The following SLC6A11 variants were observed in gnomAD, a reference collection of about 807,000 sequenced individuals.
The protein encoded by SLC6A11 is solute carrier family 6 member 11.
Under a neutral mutation model 74.8 loss-of-function variants are expected in SLC6A11, and 25 were observed. The observed-to-expected ratio is 0.33, with a 90% CI of 0.24 to 0.47. The LOEUF (loss-of-function observed/expected upper bound fraction) is 0.47. SLC6A11 is among the 20% of genes least tolerant of loss of function. The pLI is 1.00. For missense variants in SLC6A11, 574 were observed against 837.0 expected (o/e 0.69, Z 3.88); for synonymous variants, 330 against 330.2 (o/e 1.00, Z 0.01).
intron 6 of SLC6A11, among the ~76,000 whole-genome samples, chr3:10,888,427 T>C (rs1215539608): frequency 1.3e-5 from 2 of 152,114 alleles, no homozygotes; most frequent in African/African-American, 4.8e-5. Context: ...GGCTTTGCAA[T>C]GTCATGGGGG....
intron 5 of SLC6A11, among the ~76,000 whole-genome samples, chr3:10,845,499 G>A (rs1361524992): frequency 6.6e-6 from 1 of 152,148 alleles, no homozygotes; most frequent in Non-Finnish European, 1.5e-5. Context: ...GTTCTTGGCT[G>A]GGGCAGCTGC....
chr3:10,865,171 C>T (rs375291354), intron 5 of SLC6A11, among the ~76,000 whole-genome samples: 14 of 152,250 alleles, frequency 9.2e-5, no homozygotes, highest in Non-Finnish European at 1.9e-4. Context: ...GTCTTCATGT[C>T]AGATGCTTTG....
chr3:10,909,435 C>T (rs943190980), intron 6 of SLC6A11, among the ~76,000 whole-genome samples: 1 of 151,952 alleles, frequency 6.6e-6, no homozygotes, highest in Non-Finnish European at 1.5e-5. Flanking sequence ...GCTTGTGGGT[C>T]GAAAGCTTTC....
chr3:10,892,444 C>T (rs1340896750), intron 6 of SLC6A11, among the ~76,000 whole-genome samples: 2 of 152,100 alleles, frequency 1.3e-5, no homozygotes, highest in East Asian at 1.9e-4. Flanking sequence ...TTGCATGGTA[C>T]GAAACTCCCA....
intron 10 of SLC6A11, among the ~76,000 whole-genome samples, chr3:10,931,599 A>G (rs566045698): frequency 3.3e-5 from 5 of 152,292 alleles, no homozygotes; most frequent in African/African-American, 1.2e-4. Context: ...GTTGCCAACA[A>G]TTATAACAGA....
At chr3:10,933,083 G>C in intron 10 of SLC6A11, 68 bp from the exon 11 acceptor site, 2 of 1,119,934 alleles carry the variant, frequency 1.8e-6, no homozygotes, top group East Asian at 2.4e-5. Flanking sequence ...CCTGAGGCCA[G>C]ATGGCTGACC....
chr3:10,863,330 T>G (rs1427323509), intron 5 of SLC6A11, among the ~76,000 whole-genome samples: 1 of 152,228 alleles, frequency 6.6e-6, no homozygotes. Context: ...ATGGGCTCAT[T>G]TAATCCTTAC....
intron 13 of SLC6A11, among the ~76,000 whole-genome samples, chr3:10,935,964 C>G (rs1260580299): frequency 6.6e-6 from 1 of 152,114 alleles, no homozygotes; most frequent in African/African-American, 2.4e-5. Context: ...ATTTGCCTAC[C>G]CTGGATGTTT....
At position 10,940,527 on chromosome 3, in the gene SLC6A11, G is replaced by A. The variant is rs558521547; in HGVS notation, c.*2125G>A. 1.1e-4 allele frequency: 16 copies of A among 152,164 alleles called. No individual in the cohort carries two copies. Among genetic ancestry groups the A allele is most frequent in the African/African-American group, 3.9e-4 (16 of 41,498 alleles). 9.4% of individuals were successfully genotyped at this position (152,164 alleles called of 1,614,324 possible). A position where few individuals can be genotyped will look rare whatever the true frequency, so the allele number is the denominator to read the frequency against. On this transcript the variant is annotated 3_prime_UTR_variant, in exon 14 of 14. Transcript: ENST00000254488. ...TGGGGAGGGCAATGTGGGGGCAGGG[G>A]AACATGTCATTGTGATGACTTTTTT...
At position 10,910,746 on chromosome 3, in the gene SLC6A11, CCT is replaced by C. The variant is rs374891277; in HGVS notation, c.892-1339_892-1338del. Among the ~76,000 whole-genome samples, 216 of 152,212 alleles carry C rather than the reference CCT, an allele frequency of 1.4e-3. 1 individual carries two copies. Among genetic ancestry groups the C allele is most frequent in the African/African-American group, 5.0e-3 (207 of 41,546 alleles). On this transcript the variant is annotated intron_variant, in intron 6 of 13. Transcript: ENST00000254488. ...TGTGTGGTTTGGGCACATTACTCAACCTCTCTGTTCCTCAGTCTCCTCAGCTG... is the reference window on the plus strand; with the variant it reads ...TGTGTGGTTTGGGCACATTACTCAACCTCTGTTCCTCAGTCTCCTCAGCTG...
Position 10,818,816 on chromosome 3 carries a change from G to A in SLC6A11, c.257-649G>A, listed in dbSNP as rs369281246. Among the ~76,000 whole-genome samples the A allele has an allele frequency of 4.1e-4, 63 of 152,292 alleles. No homozygotes were observed. In the South Asian group the frequency reaches 0.013, roughly 31 times the overall value. ...CCAGGAAATGGGTATTGTGTTTCAA[G>A]ACAGGAACACTAATGCTTAGTGGTG... On this transcript the variant is annotated intron_variant, in intron 1 of 13. Coordinates refer to ENST00000254488, the MANE Select transcript of SLC6A11 (RefSeq NM_014229.3).
At position 10,912,170 on chromosome 3, in the gene SLC6A11, C is replaced by T. The variant is rs1369832750; in HGVS notation, c.972C>T (p.Asn324=). The part of the protein sequence containing the change: ...LGCLTALGSY[N]NYNNNCYRDC... ...GTCTGACCGCTCTGGGAAGTTATAA[C>T]AATTATAACAACAACTGCTACAGGT... The change falls in exon 7 of 14, where the codon AAC becomes AAT. Residue 324 remains asparagine, a synonymous_variant. Coordinates refer to ENST00000254488, the MANE Select transcript of SLC6A11 (RefSeq NM_014229.3). The T allele has an allele frequency of 1.9e-6, 3 of 1,611,564 alleles. No individual in the cohort carries two copies. Among genetic ancestry groups the T allele is most frequent in the Admixed American group, 1.7e-5 (1 of 60,028 alleles).
In SLC6A11 at chr3:10,833,050, C is replaced by G. The variant is rs1694317893; in HGVS notation, c.623+9658C>G. ...CTGCCAGGCACCAAGAAGCACTTCT[C>G]CATTGCCAATTAATTTTTTTTTCTT... On this transcript the variant is annotated intron_variant, in intron 4 of 13. Coordinates refer to ENST00000254488, the MANE Select transcript of SLC6A11 (RefSeq NM_014229.3). Among the ~76,000 whole-genome samples, 3 of 152,048 alleles carry G rather than the reference C, an allele frequency of 2.0e-5. No individual in the cohort carries two copies. In the South Asian group the frequency reaches 6.2e-4, roughly 32 times the overall value.
chr3:10,896,332 C>G (rs1695171318), intron 6 of SLC6A11, among the ~76,000 whole-genome samples: 1 of 152,242 alleles, frequency 6.6e-6, no homozygotes, highest in African/African-American at 2.4e-5. Context: ...AGGAATGACC[C>G]CTCTCTAGCC....
At chr3:10,825,066 C>T (rs541454533) in intron 4 of SLC6A11, 7 of 151,790 alleles carry the variant, frequency 4.6e-5, no homozygotes, top group Non-Finnish European at 8.8e-5. Context: ...CCTGCAATCT[C>T]ATCTACTCAG....
chr3:10,896,174 C>T (rs957776290), intron 6 of SLC6A11, among the ~76,000 whole-genome samples: 1 of 152,232 alleles, frequency 6.6e-6, no homozygotes, highest in Non-Finnish European at 1.5e-5. Flanking sequence ...CTTTGTAGAA[C>T]ATCCACACCA....
chr3:10,881,105 T>A (rs2106609138), intron 6 of SLC6A11, among the ~76,000 whole-genome samples: 1 of 152,264 alleles, frequency 6.6e-6, no homozygotes, highest in South Asian at 2.1e-4. Flanking sequence ...CTTTTATACA[T>A]TAGAGTGGGC....
intron 8 of SLC6A11, among the ~76,000 whole-genome samples, chr3:10,923,262 A>AC (rs1458602423): frequency 6.6e-6 from 1 of 151,682 alleles, no homozygotes; most frequent in African/African-American, 2.4e-5. Flanking sequence ...AAAAAAAAAA[A>AC]AACACAGGGC....
intron 5 of SLC6A11, among the ~76,000 whole-genome samples, chr3:10,870,250 C>G (rs977835881): frequency 9.9e-5 from 15 of 152,186 alleles, no homozygotes; most frequent in African/African-American, 3.4e-4. Context: ...CCAGGAGTTT[C>G]ATTCCTAGAT....
Sources: allele counts gnomAD v4.1 joint callset (sites outside exome capture counted in the v4.1 genomes callset), GRCh38; gene constraint gnomAD v4.1.1; transcripts MANE v1.5; gene names NCBI Gene and HGNC (gene_info 2026-07-23, HGNC 2026-07-21).